Variants in CNTN6 observed in about 807,000 individuals in gnomAD.
CNTN6 encodes the protein contactin 6, also known as contactin-6.
CNTN6 carries 137 observed loss-of-function variants against 122.8 expected under a neutral mutation model. That is an observed-to-expected ratio of 1.12 (90% CI 0.97 to 1.29). The LOEUF (loss-of-function observed/expected upper bound fraction) is 1.29. Ranked by LOEUF, CNTN6 falls within the 50% of genes most tolerant of loss-of-function variation. The pLI is 0.00. For synonymous variants in CNTN6, 570 were observed against 426.0 expected (o/e 1.34, Z -4.16); for missense variants, 1,634 against 1,223.4 (o/e 1.34, Z -5.01).
intron 1 of CNTN6, among the ~76,000 whole-genome samples, chr3:1,110,526 A>G (rs1214520010): frequency 1.3e-5 from 2 of 152,138 alleles, no homozygotes; most frequent in South Asian, 2.1e-4. Context: ...TTTCTAAAAT[A>G]GTATCTTTCA....
rs1411406667 is a variant in CNTN6, at chr3:1,235,969, A to G, written c.358+7976A>G. 5.3e-5 allele frequency among the ~76,000 whole-genome samples: 8 copies of G among 152,114 alleles called. No homozygotes were observed. In the East Asian group the frequency reaches 1.6e-3, roughly 30 times the overall value. The stretch of plus-strand genomic sequence containing the variant: ...TTCCCTCACTTCCCTGGTGAACTGT[A>G]TGACTCAGCAGAGGCAGCCATAATC... On this transcript the variant is annotated intron_variant, in intron 4 of 22. Coordinates refer to ENST00000446702, the MANE Select transcript of CNTN6 (RefSeq NM_001289080.2).
At chr3:1,366,678 G>T (rs1708269734) in intron 12 of CNTN6, among the ~76,000 whole-genome samples, 1 of 152,158 alleles carries the variant, frequency 6.6e-6, no homozygotes, top group Admixed American at 6.6e-5. Flanking sequence ...TGCTGGGGCT[G>T]AGGCTGCACA....
At chr3:1,280,241 G>T (rs1040773687) in intron 5 of CNTN6, among the ~76,000 whole-genome samples, 12 of 151,918 alleles carry the variant, frequency 7.9e-5, no homozygotes, top group Admixed American at 7.2e-4. Flanking sequence ...AAAATTAAAA[G>T]GCAGCCAGAC....
intron 11 of CNTN6, among the ~76,000 whole-genome samples, chr3:1,342,716 G>A (rs184314995): frequency 2.2e-4 from 33 of 152,088 alleles, no homozygotes; most frequent in African/African-American, 7.2e-4. Flanking sequence ...ACCACCAAAC[G>A]GGGTCTATAT....
At chr3:1,349,878 G>A (rs1705357929) in intron 11 of CNTN6, among the ~76,000 whole-genome samples, 1 of 151,666 alleles carries the variant, frequency 6.6e-6, no homozygotes, top group East Asian at 1.9e-4. Flanking sequence ...TCAAATATCT[G>A]TACTGTTTGT....
At chr3:1,373,560 T>G in intron 14 of CNTN6, 44 bp from the exon 15 acceptor site, 3 of 1,583,182 alleles carry the variant, frequency 1.9e-6, no homozygotes, top group Non-Finnish European at 2.6e-6. Context: ...AATTAATGAA[T>G]GTAAGTATCT....
chr3:1,315,974 T>G (rs1351494599), intron 7 of CNTN6, among the ~76,000 whole-genome samples: 1 of 151,976 alleles, frequency 6.6e-6, no homozygotes, highest in Non-Finnish European at 1.5e-5. Flanking sequence ...ATGGATCCCT[T>G]AACAGAGAGT....
chr3:1,357,547 T>C (rs1265335239), intron 12 of CNTN6, among the ~76,000 whole-genome samples: 1 of 151,962 alleles, frequency 6.6e-6, no homozygotes, highest in East Asian at 1.9e-4. Context: ...GATTGAGGAA[T>C]AGGTTGCTAA....
At chr3:1,325,643 TC>T (rs1294441566) in intron 8 of CNTN6, among the ~76,000 whole-genome samples, 171 bp from the exon 9 acceptor site, 1 of 151,830 alleles carries the variant, frequency 6.6e-6, no homozygotes, top group Non-Finnish European at 1.5e-5. Flanking sequence ...CAACAGGATT[TC>T]TGTCAACCCG....
rs201275760 is a variant in CNTN6, at chr3:1,327,421, C to T, written c.1084-36C>T. The stretch of plus-strand genomic sequence containing the variant: ...CCTGGTTAAGAGAATGCTATATTAA[C>T]GTACAAGCATCTTTATATGCCTTTT... On this transcript the variant is annotated intron_variant, in intron 9 of 22. Coordinates refer to ENST00000446702, the MANE Select transcript of CNTN6 (RefSeq NM_001289080.2). 928 of 1,591,844 alleles carry T rather than the reference C, an allele frequency of 5.8e-4. 1 individual carries two copies. The highest frequency in any genetic ancestry group is 7.3e-4 in the Non-Finnish European group (844 of 1,164,032).
At chr3:1,193,132 T>C (rs1174178802) in intron 2 of CNTN6, among the ~76,000 whole-genome samples, 2 of 152,230 alleles carry the variant, frequency 1.3e-5, no homozygotes, top group East Asian at 3.8e-4. Flanking sequence ...ATTGAGCTAT[T>C]AAAGTCCTGC....
At chr3:1,155,647 A>G (rs60531960) in intron 2 of CNTN6, among the ~76,000 whole-genome samples, 24,349 of 152,138 alleles carry the variant, frequency 0.16, 2,914 homozygotes, top group African/African-American at 0.32. Flanking sequence ...GTGCTGTTTC[A>G]GTATTACTGG....
chr3:1,219,321 A>G (rs185404742), intron 2 of CNTN6, among the ~76,000 whole-genome samples: 6 of 152,358 alleles, frequency 3.9e-5, no homozygotes, highest in Admixed American at 3.9e-4. Context: ...CATAAAGAGC[A>G]CAGCATCCTG....
chr3:1,308,944 G>A lies in CNTN6; in HGVS notation c.761+10953G>A, dbSNP rs181921788. 1.8e-4 allele frequency among the ~76,000 whole-genome samples: 27 copies of A among 152,080 alleles called. No homozygotes were observed. In the East Asian group the frequency reaches 4.6e-3, roughly 26 times the overall value. On this transcript the variant is annotated intron_variant, in intron 7 of 22. Transcript: ENST00000446702. ...ATCTATTTATCTTCTTTAGTAAGAC[G>A]TCTGCTTATATCTTTTCTACATTTT...
In CNTN6 at chr3:1,372,371, A is replaced by G. The variant is rs575357526; in HGVS notation, c.1565A>G (p.Gln522Arg). Reference sequence around the variant, plus strand: ...GGCGAGAGTATAGTGCTACCATGCCAGGTGTCCCATGACCCCTCCATTGAA... The same window carrying G: ...GGCGAGAGTATAGTGCTACCATGCCGGGTGTCCCATGACCCCTCCATTGAA... Reference protein sequence around the residue: ...TVGESIVLPCQVSHDPSIEVV... With the variant: ...TVGESIVLPCRVSHDPSIEVV... The change falls in exon 13 of 23, where the codon CAG becomes CGG. Residue 522 changes from glutamine to arginine, a missense_variant. By Grantham distance (43) the Gln-to-Arg change is conservative. Coordinates refer to ENST00000446702, the MANE Select transcript of CNTN6 (RefSeq NM_001289080.2). 11 of 1,613,642 alleles carry G rather than the reference A, an allele frequency of 6.8e-6. No homozygotes were observed. Among genetic ancestry groups the G allele is most frequent in the Middle Eastern group, 1.7e-4 (1 of 6,060 alleles).
rs1196816787 is a variant in CNTN6, at chr3:1,404,128, C to T, written c.*710C>T. On this transcript the variant is annotated 3_prime_UTR_variant, in exon 23 of 23. Coordinates refer to ENST00000446702, the MANE Select transcript of CNTN6 (RefSeq NM_001289080.2). ...CTCATGGCAAAGTTGAACATTTGAA[C>T]TGCTGCATGAACAAATCTCAGGTAA... 3 of 152,170 alleles carry T rather than the reference C, an allele frequency of 2.0e-5. No homozygotes were observed. Among genetic ancestry groups the T allele is most frequent in the African/African-American group, 7.2e-5 (3 of 41,442 alleles). 9.4% of individuals were successfully genotyped at this position (152,170 alleles called of 1,614,324 possible).
chr3:1,321,840 C>T lies in CNTN6; in HGVS notation c.946+6C>T, dbSNP rs1700904736. ...GGGTCAACTCATTTTTTATGGTGAG[C>T]TAATTGGATTTCAAATATATATAAA... On this transcript the variant is annotated splice_donor_region_variant and intron_variant, in intron 8 of 22. Transcript: ENST00000446702. 6.3e-7 allele frequency: 1 copy of T among 1,591,730 alleles called. No individual in the cohort carries two copies. The highest frequency in any genetic ancestry group is 1.4e-5 in the African/African-American group (1 of 73,280).
rs566418484 is a variant in CNTN6 at position 1,281,583 on chromosome 3, G to C, written c.454+3075G>C. Among the ~76,000 whole-genome samples the C allele has an allele frequency of 2.2e-3, 340 of 151,410 alleles. 3 individuals are homozygous for C. The highest frequency in any genetic ancestry group is 0.01 in the Middle Eastern group (3 of 294). On this transcript the variant is annotated intron_variant, in intron 5 of 22. Coordinates refer to ENST00000446702, the MANE Select transcript of CNTN6 (RefSeq NM_001289080.2). ...AGATTCAAGGGATTCTCCTGCCTCA[G>C]CTTCCCGAGTAGCTGGAACCACAGG... is the stretch of plus-strand genomic sequence containing the variant.
intron 7 of CNTN6, among the ~76,000 whole-genome samples, chr3:1,304,851 G>A (rs766568510): frequency 3.3e-5 from 5 of 151,720 alleles, no homozygotes; most frequent in African/African-American, 7.3e-5. Flanking sequence ...AAAATTAGCC[G>A]GGTGCAGTGG....
Sources: allele counts gnomAD v4.1 joint callset (sites outside exome capture counted in the v4.1 genomes callset), GRCh38; gene constraint gnomAD v4.1.1; transcripts MANE v1.5; gene names NCBI Gene and HGNC (gene_info 2026-07-23, HGNC 2026-07-21).